Variants in ZNF185 observed in about 807,000 individuals in gnomAD.
The protein encoded by ZNF185 is zinc finger protein 185 with LIM domain, also known as zinc finger protein 185.
ZNF185 carries 56 observed loss-of-function variants against 58.6 expected under a neutral mutation model. That is an observed-to-expected ratio of 0.95 (90% CI 0.77 to 1.19). The LOEUF (loss-of-function observed/expected upper bound fraction) is 1.19, where lower values mean the gene tolerates loss of function less well. ZNF185 is among the 50% of genes most tolerant of loss of function. ZNF185 has a pLI of 0.00. For synonymous variants in ZNF185, 230 were observed against 215.9 expected, an observed-to-expected ratio of 1.07 and a Z score of -0.57; for missense variants, 627 against 573.5, an observed-to-expected ratio of 1.09 and a Z score of -0.95.
chrX:152,959,599 C>G, intron 16 of ZNF185, 100 bp from the exon 19 acceptor site: 1 of 932,232 alleles, frequency 1.1e-6, no homozygotes, highest in Non-Finnish European at 1.5e-6. Context: ...GGAGATGAGT[C>G]CCTCCAAGTC....
intron 5 of ZNF185, 63 bp downstream of exon 6, chrX:152,917,425 C>G: frequency 8.7e-7 from 1 of 1,143,422 alleles, no homozygotes; most frequent in East Asian, 3.0e-5. Flanking sequence ...GTCTGGGCTC[C>G]TGGCAGAGAC....
chrX:152,941,968 C>T (rs1430135015), intron 15 of ZNF185: 23 of 886,607 alleles, frequency 2.6e-5, no homozygotes, highest in Non-Finnish European at 2.7e-5. Flanking sequence ...GCCCTGGGGC[C>T]ATGGCCTCTG....
rs781857471 is a variant in ZNF185, at chrX:152,970,578, G to A, written c.*37G>A. The A allele has an allele frequency of 5.2e-6, 6 of 1,149,716 alleles. No homozygotes were observed. The East Asian group carries it at 1.2e-4, about 23-fold the overall frequency. The allele number at this position is 1,149,716 out of a possible 1,213,427, so 94.7% of individuals were successfully genotyped here. On this transcript the variant is annotated intron_variant, in intron 22 of 22. Transcript: ENST00000449285. ...CACTGCAAAGGACAAGTGGCCAAGA[G>A]ACTCATTAAGGAGTAGAGATGCACC...
chrX:152,903,304 G>T, the ZNF185 span, among the ~76,000 whole-genome samples: 2 of 94,214 alleles, frequency 2.1e-5, no homozygotes, highest in Admixed American at 1.3e-4. Context: ...CAGGAGAATT[G>T]CTTGAACCTG....
chrX:152,929,572 G>C (rs374219991), intron 12 of ZNF185, among the ~76,000 whole-genome samples: 1 of 111,163 alleles, frequency 9.0e-6, no homozygotes, highest in East Asian at 2.9e-4. Flanking sequence ...CTCCTCCTTG[G>C]CTCCTCCCAC....
At chrX:152,963,789 G>A (rs1556912067) in intron 17 of ZNF185, 50 bp from the exon 20 acceptor site, 1 of 1,118,970 alleles carries the variant, frequency 8.9e-7, no homozygotes, top group African/African-American at 1.8e-5. Flanking sequence ...GACCCTGGAA[G>A]GTGTCAGCTC....
At chrX:152,930,951 A>C (rs1209893965) in intron 12 of ZNF185, among the ~76,000 whole-genome samples, 2 of 111,802 alleles carry the variant, frequency 1.8e-5, no homozygotes, top group Non-Finnish European at 3.8e-5. Context: ...CCAGAACTCA[A>C]ATCCCAGCTA....
At chrX:152,913,519 G>A (rs377266006), upstream of ZNF185, among the ~76,000 whole-genome samples, 7 of 112,812 alleles carry the variant, frequency 6.2e-5, no homozygotes, top group East Asian at 1.7e-3. Context: ...CCGGGCTCAG[G>A]GGTAGAGCAG....
exon 6 of ZNF185, chrX:152,918,096 G>A (rs369255010): frequency 4.2e-6 from 5 of 1,191,932 alleles, no homozygotes; most frequent in East Asian, 6.1e-5. Flanking sequence ...AGCTAACGCT[G>A]GTCCTCCCCG....
chrX:152,909,818 G>A (rs1287835930), upstream of ZNF185, among the ~76,000 whole-genome samples: 4 of 111,949 alleles, frequency 3.6e-5, no homozygotes, highest in African/African-American at 1.3e-4. Context: ...TTTCCTCCTC[G>A]GAGTGAGCAA....
chrX:152,952,831 C>CTTTTTT (rs34933153), intron 16 of ZNF185, among the ~76,000 whole-genome samples: 1 of 93,636 alleles, frequency 1.1e-5, no homozygotes, highest in African/African-American at 4.0e-5. Flanking sequence ...TTCGTGATTA[C>CTTTTTT]TTTTTTTTTT....
intron 16 of ZNF185, among the ~76,000 whole-genome samples, chrX:152,946,272 G>A (rs904461940): frequency 4.5e-5 from 5 of 112,288 alleles, no homozygotes; most frequent in Admixed American, 3.8e-4. Flanking sequence ...GCTGTGGGGA[G>A]CAGGTGGAGC....
chrX:152,912,028 C>T (rs1356937978), upstream of ZNF185, among the ~76,000 whole-genome samples: 1 of 105,930 alleles, frequency 9.4e-6, no homozygotes, highest in Non-Finnish European at 1.9e-5. Flanking sequence ...CCCATCCCAC[C>T]CCATCCCACT....
At chrX:152,915,240 C>G (rs1556865042) in intron 3 of ZNF185, 37 bp downstream of exon 4, 1 of 1,185,172 alleles carries the variant, frequency 8.4e-7, no homozygotes, top group Non-Finnish European at 1.1e-6. Context: ...TGGGTCAGCC[C>G]CAGGGACTCT....
chrX:152,904,406 C>A, the ZNF185 span, among the ~76,000 whole-genome samples: 7 of 112,904 alleles, frequency 6.2e-5, no homozygotes, highest in East Asian at 2.0e-3. Flanking sequence ...CCATCCCCTT[C>A]CCAGAGGAAA....
chrX:152,922,330 G>A, intron 10 of ZNF185, 74 bp downstream of exon 11: 2 of 1,000,159 alleles, frequency 2.0e-6, no homozygotes, highest in Non-Finnish European at 2.7e-6. Flanking sequence ...AGGAACCTCA[G>A]TCAGGGCACC....
rs12012506 is a variant in ZNF185, at chrX:152,970,498, G to A, written c.2030G>A (p.Arg677His). The A allele has an allele frequency of 8.0e-4, 969 of 1,208,339 alleles. 4 individuals carry two copies. In the African/African-American group the frequency reaches 0.015, roughly 19 times the overall value. ...CTCCTGGATCAGATCTTCATTCACC[G>A]TGACACCATTCACTGTGGGAAATGC... Residue 677 changes from arginine to histidine, a missense_variant, in exon 22 of 23, where the codon CGT (arginine) becomes CAT (histidine). Physicochemically the swap from Arg to His is conservative, Grantham distance 29 (BLOSUM62 0). Transcript: ENST00000449285.
intron 11 of ZNF185, among the ~76,000 whole-genome samples, chrX:152,925,931 C>A: frequency 8.9e-6 from 1 of 112,341 alleles, no homozygotes; most frequent in Non-Finnish European, 1.9e-5. Flanking sequence ...CCTCATAACT[C>A]TTGCCCCCCT....
At chrX:152,961,123 C>T (rs781812669) in intron 17 of ZNF185, among the ~76,000 whole-genome samples, 1 of 112,351 alleles carries the variant, frequency 8.9e-6, no homozygotes, top group East Asian at 2.8e-4. Flanking sequence ...TGTGCTCTCT[C>T]TGTCTCCCAG....
Sources: gnomAD v4.1 joint callset for allele counts (sites outside exome capture counted in the v4.1 genomes callset) on GRCh38, gnomAD v4.1.1 for gene constraint, MANE v1.5 for transcripts, NCBI Gene and HGNC (gene_info 2026-07-23, HGNC 2026-07-21) for gene names.